Variants in ANGPT2 observed in about 807,000 individuals in gnomAD.
The protein encoded by ANGPT2 is angiopoietin 2.
ANGPT2 carries 28 observed loss-of-function variants against 62.9 expected under a neutral mutation model. That is an observed-to-expected ratio of 0.44 (90% CI 0.33 to 0.61). The LOEUF is 0.61. Among genes scored for constraint, ANGPT2 ranks in the 20% least tolerant of loss-of-function variants. The pLI, the probability that ANGPT2 is intolerant of heterozygous loss-of-function variation, is 0.03. For synonymous variants in ANGPT2, 284 were observed against 207.8 expected, an observed-to-expected ratio of 1.37 and a Z score of -3.15; for missense variants, 727 against 594.9, an observed-to-expected ratio of 1.22 and a Z score of -2.31.
At chr8:6,545,591 G>A (rs369250932) in intron 1 of ANGPT2, among the ~76,000 whole-genome samples, 24 of 152,248 alleles carry the variant, frequency 1.6e-4, no homozygotes, top group South Asian at 4.2e-4. Flanking sequence ...ATGTATATTC[G>A]TAATCTGACA....
intron 1 of ANGPT2, among the ~76,000 whole-genome samples, chr8:6,555,016 A>T (rs141092293): frequency 2.2e-3 from 342 of 152,346 alleles, no homozygotes; most frequent in African/African-American, 7.8e-3. Flanking sequence ...AGTGGTAGGC[A>T]GAGTTCCTTC....
In ANGPT2 at chr8:6,560,524, G is replaced by C. The variant is rs186763988; in HGVS notation, c.288+2123C>G. 1.1e-4 allele frequency among the ~76,000 whole-genome samples: 16 copies of C among 152,276 alleles called. No individual in the cohort carries two copies. In the East Asian group the frequency reaches 3.1e-3, roughly 29 times the overall value. On this transcript the variant is annotated intron_variant, in intron 1 of 8. Coordinates refer to ENST00000629816, the MANE Select transcript of ANGPT2 (RefSeq NM_001118887.2). ...CCAAGCCAGAAGCCGTAAACCGAGC[G>C]AGAGTGCAAATTGCCTTTCTCAGGT...
chr8:6,530,508 C>T (rs1385958356), intron 2 of ANGPT2, among the ~76,000 whole-genome samples: 1 of 98,050 alleles, frequency 1.0e-5, no homozygotes, highest in South Asian at 3.6e-4. Context: ...GACTCTGTCT[C>T]AAAAAAAAAA....
At position 6,514,742 on chromosome 8, in the gene ANGPT2, T is replaced by C; in HGVS notation, c.964A>G (p.Thr322Ala). The C allele has an allele frequency of 6.2e-7, 1 of 1,614,096 alleles. No homozygotes were observed. The highest frequency in any genetic ancestry group is 8.5e-7 in the Non-Finnish European group (1 of 1,180,002). ...CCATCCTCACGTCGCTGAATAATTG[T>C]CCACCCGCCTCCTCCAGCTTCCATG... The part of the protein sequence containing the change: ...CDMEAGGGGW[T>A]IIQRREDGSV... The change falls in exon 6 of 9, where the codon ACA becomes GCA. Residue 322 changes from threonine to alanine, a missense_variant. By Grantham distance (58) the Thr-to-Ala change is moderately conservative. Coordinates refer to ENST00000629816, the MANE Select transcript of ANGPT2 (RefSeq NM_001118887.2).
intron 2 of ANGPT2, among the ~76,000 whole-genome samples, chr8:6,529,611 C>T (rs1040459228): frequency 1.3e-5 from 2 of 150,156 alleles, no homozygotes; most frequent in African/African-American, 2.5e-5. Flanking sequence ...TGCACACAAG[C>T]ACGCCTGGCT....
intron 1 of ANGPT2, among the ~76,000 whole-genome samples, chr8:6,533,210 A>G (rs1255376867): frequency 6.6e-6 from 1 of 152,236 alleles, no homozygotes; most frequent in Non-Finnish European, 1.5e-5. Flanking sequence ...TCCCTCAGTT[A>G]CTAAAGATGA....
intron 1 of ANGPT2, among the ~76,000 whole-genome samples, chr8:6,539,324 A>G (rs1201492050): frequency 6.6e-6 from 1 of 152,216 alleles, no homozygotes; most frequent in Non-Finnish European, 1.5e-5. Flanking sequence ...GCTACTTGCC[A>G]TCTGTTGACT....
intron 1 of ANGPT2, among the ~76,000 whole-genome samples, chr8:6,546,783 C>A (rs1356997937): frequency 1.3e-5 from 2 of 152,190 alleles, no homozygotes; most frequent in East Asian, 3.9e-4. Context: ...CCTCCCCTTC[C>A]CCCAATCCAA....
rs1563294249 is a variant in ANGPT2, at chr8:6,500,275, G to C, written c.*2826C>G. The C allele has an allele frequency of 4.0e-6, 1 of 251,066 alleles. No homozygotes were observed. Among genetic ancestry groups the C allele is most frequent in the Non-Finnish European group, 7.9e-6 (1 of 126,576 alleles). 15.6% of individuals were successfully genotyped at this position (251,066 alleles called of 1,614,324 possible). ...CTGTTAATAGAAATAGAACTGATAG[G>C]TATAAAGATTATGGCTTGCTGGTGC... On this transcript the variant is annotated 3_prime_UTR_variant, in exon 9 of 9. Transcript: ENST00000629816.
At chr8:6,537,046 G>A (rs1820631285) in intron 1 of ANGPT2, among the ~76,000 whole-genome samples, 1 of 151,246 alleles carries the variant, frequency 6.6e-6, no homozygotes, top group Non-Finnish European at 1.5e-5. Flanking sequence ...ACTTGCCTTT[G>A]GAGAATGTTT....
At chr8:6,531,207 C>T (rs1819443560) in intron 2 of ANGPT2, among the ~76,000 whole-genome samples, 1 of 151,778 alleles carries the variant, frequency 6.6e-6, no homozygotes, top group Non-Finnish European at 1.5e-5. Flanking sequence ...TGTTGTGCAT[C>T]ATTTAGCATG....
rs1017067161 is a variant in ANGPT2 at position 6,502,535 on chromosome 8, A to G, written c.*566T>C. ...AATAAAAATTTAAAGCACCTAAGAG[A>G]TGGAGTAAAAATGCACTAACTGTTT... On this transcript the variant is annotated 3_prime_UTR_variant, in exon 9 of 9. Transcript: ENST00000629816. 6.6e-6 allele frequency: 1 copy of G among 152,246 alleles called. No individual in the cohort carries two copies. Among genetic ancestry groups the G allele is most frequent in the African/African-American group, 2.4e-5 (1 of 41,462 alleles). The allele number at this position is 152,246 out of a possible 1,614,324, so 9.4% of individuals were successfully genotyped here. A position where few individuals can be genotyped will look rare whatever the true frequency, so the allele number is the denominator to read the frequency against.
chr8:6,519,771 T>G, intron 5 of ANGPT2, 93 bp downstream of exon 5: 1 of 1,486,486 alleles, frequency 6.7e-7, no homozygotes, highest in Non-Finnish European at 9.2e-7. Context: ...CTGGGGAAGA[T>G]CTTTGGGGAG....
intron 5 of ANGPT2, among the ~76,000 whole-genome samples, chr8:6,517,853 A>C (rs963066084): frequency 1.3e-5 from 2 of 152,212 alleles, no homozygotes; most frequent in Non-Finnish European, 2.9e-5. Context: ...ACAGAGTCTT[A>C]AGTCTGGAAG....
At chr8:6,558,639 T>G (rs929888807) in intron 1 of ANGPT2, among the ~76,000 whole-genome samples, 1 of 152,178 alleles carries the variant, frequency 6.6e-6, no homozygotes, top group South Asian at 2.1e-4. Flanking sequence ...GTATTTAGAC[T>G]ATATGGATTA....
At chr8:6,517,744 G>C (rs1426365305) in intron 5 of ANGPT2, among the ~76,000 whole-genome samples, 2 of 152,164 alleles carry the variant, frequency 1.3e-5, no homozygotes, top group African/African-American at 4.8e-5. Context: ...GGGAAACTGA[G>C]CTCTCAGAAA....
At chr8:6,522,609 A>G (rs1167821173) in intron 3 of ANGPT2, among the ~76,000 whole-genome samples, 2 of 151,814 alleles carry the variant, frequency 1.3e-5, no homozygotes, top group African/African-American at 4.8e-5. Flanking sequence ...CCCTCTCTCT[A>G]CTAAAAATAC....
intron 3 of ANGPT2, among the ~76,000 whole-genome samples, chr8:6,526,022 C>T (rs1292884710): frequency 3.3e-5 from 5 of 152,068 alleles, no homozygotes; most frequent in African/African-American, 7.2e-5. Context: ...AGGTTTGTCA[C>T]GGACATCATT....
chr8:6,513,951 A>G, intron 6 of ANGPT2, 107 bp from the exon 7 acceptor site: 1 of 1,115,160 alleles, frequency 9.0e-7, no homozygotes, highest in South Asian at 1.8e-5. Flanking sequence ...AATAGCAGAA[A>G]TTCCTTCTGG....
Sources: allele counts gnomAD v4.1 joint callset (sites outside exome capture counted in the v4.1 genomes callset), GRCh38; gene constraint gnomAD v4.1.1; transcripts MANE v1.5; gene names NCBI Gene and HGNC (gene_info 2026-07-23, HGNC 2026-07-21).